Variants in ATP2C2 observed in about 807,000 individuals in gnomAD.
ATP2C2 encodes the protein calcium-transporting ATPase type 2C member 2.
ATP2C2 carries 171 observed loss-of-function variants against 110.8 expected under a neutral mutation model. The observed-to-expected ratio is 1.54, with a 90% confidence interval of 1.36 to 1.75. The LOEUF is 1.75. Ranked by LOEUF, ATP2C2 falls within the 40% of genes most tolerant of loss-of-function variation. The pLI is 0.00. For missense variants in ATP2C2, 1,963 were observed against 1,235.0 expected (o/e 1.59, Z -8.84); for synonymous variants, 804 against 508.4 (o/e 1.58, Z -7.82).
intron 13 of ATP2C2, among the ~76,000 whole-genome samples, chr16:84,440,656 C>A (rs1173319676): frequency 2.0e-5 from 3 of 152,236 alleles, no homozygotes; most frequent in Non-Finnish European, 4.4e-5. Context: ...CTTGCTGCAA[C>A]TTACTCATGC....
chr16:84,451,453 C>G (rs140227616), intron 17 of ATP2C2, among the ~76,000 whole-genome samples: 3 of 152,212 alleles, frequency 2.0e-5, no homozygotes, highest in Non-Finnish European at 2.9e-5. Flanking sequence ...GCCTGAGAGC[C>G]GCTGGAGGCA....
rs116314493 is a variant in ATP2C2, at chr16:84,460,946, G to A, written c.2481+145G>A. The stretch of plus-strand genomic sequence containing the variant: ...CGGACAATGTGATGCCATCAGAGGC[G>A]TGGGGTGCATGAGGCAAAGGGACTG... On this transcript the variant is annotated intron_variant, in intron 24 of 26. Coordinates refer to ENST00000262429, the MANE Select transcript of ATP2C2 (RefSeq NM_014861.4). 3,909 of 1,212,692 alleles carry A rather than the reference G, an allele frequency of 3.2e-3. 107 individuals are homozygous for A. In the African/African-American group the frequency reaches 0.053, roughly 17 times the overall value. The allele number at this position is 1,212,692 out of a possible 1,614,324, so 75.1% of individuals were successfully genotyped here.
chr16:84,430,340 C>T (rs1437011256), intron 11 of ATP2C2, among the ~76,000 whole-genome samples: 1 of 152,128 alleles, frequency 6.6e-6, no homozygotes. Flanking sequence ...TGCAGGTGGA[C>T]AGAGTAAAGT....
rs367638985 is a variant in ATP2C2 at position 84,368,710 on chromosome 16, C to T, written c.95C>T (p.Ala32Val). The T allele has an allele frequency of 6.5e-7, 1 of 1,539,548 alleles. No individual in the cohort carries two copies. The highest frequency in any genetic ancestry group is 8.7e-7 in the Non-Finnish European group (1 of 1,145,550). ...GCGCTGGAGAAGGACGAAGAGGAAGCCTTGGTGAGTCCCCGCGACTCCGCG... is the reference window on the plus strand; with the variant it reads ...GCGCTGGAGAAGGACGAAGAGGAAGTCTTGGTGAGTCCCCGCGACTCCGCG... ...YQALEKDEEE[A>V]LIDEQSELKA... Residue 32 changes from alanine (A) to valine (V), a missense_variant, in exon 1 of 27, where the codon GCC becomes GTC. Coordinates refer to ENST00000262429, the MANE Select transcript of ATP2C2 (RefSeq NM_014861.4).
At chr16:84,444,364 T>C (rs980130665) in intron 15 of ATP2C2, among the ~76,000 whole-genome samples, 16 of 151,960 alleles carry the variant, frequency 1.1e-4, no homozygotes, top group African/African-American at 3.9e-4. Context: ...TCCCAGCTAC[T>C]CGGGAGGCTG....
chr16:84,450,496 T>A (rs1404228674), intron 17 of ATP2C2, among the ~76,000 whole-genome samples: 1 of 152,004 alleles, frequency 6.6e-6, no homozygotes, highest in African/African-American at 2.4e-5. Flanking sequence ...AGGAGTATCC[T>A]CTTGGGATAG....
At chr16:84,411,992 CCTTTCTTT>C (rs1419844546) in intron 6 of ATP2C2, among the ~76,000 whole-genome samples, 2 of 141,558 alleles carry the variant, frequency 1.4e-5, no homozygotes, top group Non-Finnish European at 3.1e-5. Flanking sequence ...TTCCTTTCTT[CCTTTCTTT>C]CTTTTTCTTT....
At position 84,461,996 on chromosome 16, in the gene ATP2C2, G is replaced by A. The variant is rs1416300509; in HGVS notation, c.2589G>A (p.Leu863=). The A allele has an allele frequency of 1.9e-6, 3 of 1,613,680 alleles. No individual in the cohort carries two copies. The highest frequency in any genetic ancestry group is 1.3e-5 in the African/African-American group (1 of 75,032). ...NALTCRSQTK[L]IFEIGFLRNH... is the part of the protein sequence containing the mutation. ...TGACCTTCTCCCTGCAGACCAAGCT[G>A]ATATTTGAGATCGGCTTTCTCAGGA... Residue 863 remains leucine, a synonymous_variant, in exon 26 of 27, where the codon CTG becomes CTA. Transcript: ENST00000262429.
At chr16:84,447,531 A>T (rs1909859589) in intron 16 of ATP2C2, among the ~76,000 whole-genome samples, 1 of 151,502 alleles carries the variant, frequency 6.6e-6, no homozygotes, top group Non-Finnish European at 1.5e-5. Context: ...TTTTCAAAAC[A>T]AGGTCACTAT....
chr16:84,387,805 G>A (rs538184370), intron 1 of ATP2C2, among the ~76,000 whole-genome samples: 3 of 152,120 alleles, frequency 2.0e-5, no homozygotes, highest in South Asian at 2.1e-4. Flanking sequence ...TCGCCTGGGG[G>A]ACTGGGTGTG....
Position 84,397,655 on chromosome 16 carries a change from C to CAAA in ATP2C2, c.100-828_100-826dup, listed in dbSNP as rs58934576. On this transcript the variant is annotated intron_variant, in intron 1 of 26. Transcript: ENST00000262429. ...CACCACTGCACTCCAGCCTGGGTGACAAAAAAAAAAAAAAAAAACTTGCTT... is the reference window on the plus strand; with the variant it reads ...CACCACTGCACTCCAGCCTGGGTGACAAAAAAAAAAAAAAAAAAAAACTTGCTT... 8.2e-4 allele frequency among the ~76,000 whole-genome samples: 52 copies of CAAA among 63,508 alleles called. 6 individuals are homozygous for CAAA. The highest frequency in any genetic ancestry group is 9.8e-4 in the East Asian group (2 of 2,040). The allele number at this position is 63,508 out of a possible 152,430, so 41.7% of individuals were successfully genotyped here. A position where few individuals can be genotyped will look rare whatever the true frequency, so the allele number is the denominator to read the frequency against.
intron 23 of ATP2C2, chr16:84,459,750 C>G (rs1452399594): frequency 1.6e-6 from 1 of 643,038 alleles, no homozygotes; most frequent in African/African-American, 1.8e-5. Flanking sequence ...GTATTTTTCC[C>G]TAGAGAGGAA....
At chr16:84,393,720 C>T (rs989478666) in intron 1 of ATP2C2, among the ~76,000 whole-genome samples, 2 of 150,864 alleles carry the variant, frequency 1.3e-5, no homozygotes, top group Non-Finnish European at 1.5e-5. Flanking sequence ...GGATGGGAGG[C>T]CAGTGGATGG....
intron 1 of ATP2C2, among the ~76,000 whole-genome samples, chr16:84,369,208 T>A (rs1909808782): frequency 1.3e-5 from 2 of 152,234 alleles, no homozygotes; most frequent in African/African-American, 4.8e-5. Flanking sequence ...TACAGTCAGG[T>A]ACTTTTAGAA....
chr16:84,455,143 C>G (rs866749939), intron 21 of ATP2C2, among the ~76,000 whole-genome samples, 159 bp downstream of exon 21: 7 of 152,022 alleles, frequency 4.6e-5, no homozygotes, highest in African/African-American at 1.4e-4. Flanking sequence ...GCCCCCAACC[C>G]CAAGTACCAA....
chr16:84,385,853 C>T (rs1032564213), intron 1 of ATP2C2, among the ~76,000 whole-genome samples: 1 of 152,224 alleles, frequency 6.6e-6, no homozygotes, highest in Non-Finnish European at 1.5e-5. Flanking sequence ...CCTTCCCCAA[C>T]ATGCGGGGAT....
chr16:84,427,810 T>G (rs1379419629), intron 11 of ATP2C2, among the ~76,000 whole-genome samples: 1 of 152,150 alleles, frequency 6.6e-6, no homozygotes, highest in Non-Finnish European at 1.5e-5. Context: ...GTGTAGTGAC[T>G]CCTAACAGTT....
intron 24 of ATP2C2, 106 bp downstream of exon 24, chr16:84,460,907 A>T: frequency 2.9e-6 from 4 of 1,397,270 alleles, no homozygotes. Context: ...GGAGAGGCAA[A>T]CATGTACACA....
chr16:84,380,956 G>A (rs140735622), intron 1 of ATP2C2, among the ~76,000 whole-genome samples: 2,557 of 152,226 alleles, frequency 0.017, 26 homozygotes, highest in Non-Finnish European at 0.024. Flanking sequence ...CGAGGCGGGC[G>A]GATCATGAGG....
Sources: gnomAD v4.1 joint callset for allele counts (sites outside exome capture counted in the v4.1 genomes callset) on GRCh38, gnomAD v4.1.1 for gene constraint, MANE v1.5 for transcripts, NCBI Gene and HGNC (gene_info 2026-07-23, HGNC 2026-07-21) for gene names.